SNTG2: variants seen among roughly 807,000 people sequenced by gnomAD.
SNTG2 encodes syntrophin gamma 2.
A neutral mutation model predicts 70.9 loss-of-function variants in SNTG2; 74 were observed. The observed-to-expected ratio is 1.04, with a 90% CI of 0.86 to 1.27. SNTG2 has a LOEUF of 1.27. Among genes scored for constraint, SNTG2 ranks in the 50% most tolerant of loss-of-function variants. The pLI is 0.00. For synonymous variants in SNTG2, 278 were observed against 273.8 expected (o/e 1.02, Z -0.15); for missense variants, 717 against 690.7 (o/e 1.04, Z -0.43).
intron 1 of SNTG2, 68 bp downstream of exon 1, chr2:951,136 C>T (rs1484878665): frequency 1.5e-5 from 10 of 684,340 alleles, no homozygotes; most frequent in Non-Finnish European, 2.1e-5. Context: ...CCCTTCTCCC[C>T]CCGCCCCTCC....
At chr2:1,257,671 A>G (rs1327267873) in intron 12 of SNTG2, among the ~76,000 whole-genome samples, 2 of 152,220 alleles carry the variant, frequency 1.3e-5, no homozygotes, top group Non-Finnish European at 1.5e-5. Context: ...ACATAATCTA[A>G]TACAGTGACC....
intron 1 of SNTG2, among the ~76,000 whole-genome samples, chr2:1,071,144 G>C (rs1663512353): frequency 1.3e-5 from 2 of 152,168 alleles, no homozygotes; most frequent in Admixed American, 1.3e-4. Flanking sequence ...AACTAGAGAA[G>C]ATCTGGGTAT....
intron 12 of SNTG2, among the ~76,000 whole-genome samples, chr2:1,257,761 C>A (rs564064852): frequency 6.6e-6 from 1 of 152,322 alleles, no homozygotes; most frequent in East Asian, 1.9e-4. Flanking sequence ...ATAAAGCTTA[C>A]AAAAACCGTA....
intron 9 of SNTG2, among the ~76,000 whole-genome samples, chr2:1,221,441 CTG>C (rs1302128968): frequency 4.3e-5 from 6 of 141,022 alleles, no homozygotes; most frequent in African/African-American, 1.7e-4. Context: ...CTCTCTGTCT[CTG>C]TCTCTGTCTC....
chr2:1,323,349 A>G (rs1681612035), intron 16 of SNTG2, among the ~76,000 whole-genome samples: 1 of 152,240 alleles, frequency 6.6e-6, no homozygotes, highest in Non-Finnish European at 1.5e-5. Context: ...GGAAACACCA[A>G]TAAAACTCTG....
intron 1 of SNTG2, among the ~76,000 whole-genome samples, chr2:1,009,770 G>A (rs1168387031): frequency 3.3e-5 from 5 of 152,190 alleles, no homozygotes; most frequent in Admixed American, 6.5e-5. Context: ...TCCCAACCAC[G>A]TGGAACCACG....
At chr2:1,074,977 A>T (rs1663824292) in intron 1 of SNTG2, among the ~76,000 whole-genome samples, 1 of 152,240 alleles carries the variant, frequency 6.6e-6, no homozygotes. Context: ...TTGGTCCAAG[A>T]ATCAGATTTT....
chr2:1,018,770 G>A (rs73908655), intron 1 of SNTG2, among the ~76,000 whole-genome samples: 41,271 of 152,136 alleles, frequency 0.27, 5,976 homozygotes, highest in Middle Eastern at 0.38. Flanking sequence ...AAAAGATTGC[G>A]TGATTTTTTT....
rs138253870 is a variant in SNTG2, at chr2:1,232,435, G to A, written c.720-5453G>A. 2.1e-3 allele frequency among the ~76,000 whole-genome samples: 322 copies of A among 152,174 alleles called. 4 individuals are homozygous for A. The highest frequency in any genetic ancestry group is 7.1e-3 in the African/African-American group (296 of 41,516). On this transcript the variant is annotated intron_variant, in intron 9 of 16. Coordinates refer to ENST00000308624, the MANE Select transcript of SNTG2 (RefSeq NM_018968.4). The stretch of plus-strand genomic sequence containing the variant: ...CTGCCTCAGCCTCCCAAGCAGCTGG[G>A]ACTACAGGCCCGCCACCATGCCTGG...
At chr2:1,349,527 G>A (rs4927597) in intron 16 of SNTG2, among the ~76,000 whole-genome samples, 64,162 of 152,090 alleles carry the variant, frequency 0.42, 13,663 homozygotes, top group Middle Eastern at 0.49. Context: ...TTGGGAAGGG[G>A]CTGTTATCAT....
intron 4 of SNTG2, among the ~76,000 whole-genome samples, chr2:1,124,913 G>A (rs1332485871): frequency 6.6e-6 from 1 of 152,032 alleles, no homozygotes; most frequent in Non-Finnish European, 1.5e-5. Context: ...TACCGTGTTG[G>A]GGATTCCTGC....
intron 16 of SNTG2, among the ~76,000 whole-genome samples, chr2:1,323,068 G>A (rs763004375): frequency 6.6e-6 from 1 of 152,144 alleles, no homozygotes; most frequent in Admixed American, 6.6e-5. Flanking sequence ...AGAAAATTTT[G>A]ACCAAAAGAA....
intron 1 of SNTG2, among the ~76,000 whole-genome samples, chr2:1,078,493 C>T (rs1300749471): frequency 6.6e-6 from 1 of 151,884 alleles, no homozygotes; most frequent in Non-Finnish European, 1.5e-5. Context: ...TGCAGGACAG[C>T]TGGGCAGGGC....
At chr2:1,084,997 A>T (rs903962640) in intron 2 of SNTG2, among the ~76,000 whole-genome samples, 4 of 152,194 alleles carry the variant, frequency 2.6e-5, no homozygotes, top group Non-Finnish European at 5.9e-5. Context: ...AGACACAGAC[A>T]TCCCAACCAC....
chr2:1,082,076 A>C lies in SNTG2; in HGVS notation c.73-1442A>C, dbSNP rs1664357976. Reference sequence around the variant, plus strand: ...TCCTGTGCGTGGGGATCAGCTGAGGATGTTGGGAGGAGCAGATTCTGGCTT... The same window carrying C: ...TCCTGTGCGTGGGGATCAGCTGAGGCTGTTGGGAGGAGCAGATTCTGGCTT... On this transcript the variant is annotated intron_variant, in intron 1 of 16. Transcript: ENST00000308624. Among the ~76,000 whole-genome samples, 3 of 152,042 alleles carry C rather than the reference A, an allele frequency of 2.0e-5. No individual in the cohort carries two copies. The South Asian group carries it at 6.2e-4, about 32-fold the overall frequency.
At chr2:1,229,574 CTGCCAGTCCCGCGCCG>C (rs1190338776) in intron 9 of SNTG2, among the ~76,000 whole-genome samples, 1 of 152,244 alleles carries the variant, frequency 6.6e-6, no homozygotes, top group Non-Finnish European at 1.5e-5. Flanking sequence ...GTGGAGCTGC[CTGCCAGTCCCGCGCCG>C]TGCGCTCGCA....
chr2:1,308,328 C>T (rs1310424982), intron 14 of SNTG2, among the ~76,000 whole-genome samples, 166 bp from the exon 15 acceptor site: 1 of 152,158 alleles, frequency 6.6e-6, no homozygotes, highest in African/African-American at 2.4e-5. Flanking sequence ...GCAGTTGTTC[C>T]TGTGGGTCTC....
chr2:1,352,509 G>A (rs1217591202), intron 16 of SNTG2, among the ~76,000 whole-genome samples: 1 of 152,352 alleles, frequency 6.6e-6, no homozygotes, highest in South Asian at 2.1e-4. Context: ...CAGCAACCCT[G>A]CGAGTGTAAA....
intron 4 of SNTG2, among the ~76,000 whole-genome samples, chr2:1,106,708 A>G (rs1426831353): frequency 1.6e-5 from 2 of 125,766 alleles, no homozygotes; most frequent in Non-Finnish European, 1.6e-5. Flanking sequence ...GCGTGCTGTC[A>G]CTCGGGTGCA....
Sources: gnomAD v4.1 joint callset for allele counts (sites outside exome capture counted in the v4.1 genomes callset) on GRCh38, gnomAD v4.1.1 for gene constraint, MANE v1.5 for transcripts, NCBI Gene and HGNC (gene_info 2026-07-23, HGNC 2026-07-21) for gene names.